Variants in CELF4 observed in about 807,000 individuals in gnomAD.
CELF4 encodes CUGBP Elav-like family member 4, also known as CUG-BP- and ETR-3-like factor 4.
Under a neutral mutation model 59.9 loss-of-function variants are expected in CELF4, and 18 were observed. The ratio of observed to expected loss-of-function variants is 0.30; its 90% CI spans 0.21 to 0.45. The LOEUF is 0.45. Among genes scored for constraint, CELF4 ranks in the 20% least tolerant of loss-of-function variants. The pLI is 1.00. For synonymous variants in CELF4, 261 were observed against 267.1 expected, an observed-to-expected ratio of 0.98 and a Z score of 0.22; for missense variants, 456 against 689.0, an observed-to-expected ratio of 0.66 and a Z score of 3.79.
chr18:37,382,925 G>T (rs1365898547), intron 2 of CELF4, among the ~76,000 whole-genome samples: 3 of 151,958 alleles, frequency 2.0e-5, no homozygotes, highest in Admixed American at 2.0e-4. Flanking sequence ...CCTACTCCTG[G>T]GTGGCCTGGT....
chr18:37,316,930 T>C (rs747911012), intron 3 of CELF4, among the ~76,000 whole-genome samples: 25 of 152,152 alleles, frequency 1.6e-4, no homozygotes, highest in Admixed American at 5.9e-4. Context: ...GAGAGGAATA[T>C]AGGTAATCTG....
At chr18:37,275,609 C>CTA in intron 3 of CELF4, 1 of 264,314 alleles carries the variant, frequency 3.8e-6, no homozygotes, top group Non-Finnish European at 7.4e-6. Flanking sequence ...AGCCTGCGTT[C>CTA]CCCTCCTCCT....
chr18:37,383,248 G>C (rs1016055380), intron 2 of CELF4, among the ~76,000 whole-genome samples: 3 of 152,166 alleles, frequency 2.0e-5, no homozygotes, highest in Non-Finnish European at 4.4e-5. Flanking sequence ...AGACCAGGCA[G>C]AGCAGCGGCC....
At position 37,246,849 on chromosome 18, in the gene CELF4, TTTG is replaced by T. The variant is rs939086673; in HGVS notation, c.*45-1655_*45-1653del. The stretch of plus-strand genomic sequence containing the variant: ...GAATTCATCTTTATTTTGACTATTT[TTTG>T]TTCTTTTGTTTTGTTTTTTTCTCTA... On this transcript the variant is annotated intron_variant, in intron 12 of 12. Transcript: ENST00000420428. The surrounding 1 kb of genome is among the most constrained non-coding windows in gnomAD (Gnocchi z 5.3). 6.6e-6 allele frequency: 1 copy of T among 152,214 alleles called. No individual in the cohort carries two copies. Among genetic ancestry groups the T allele is most frequent in the Non-Finnish European group, 1.5e-5 (1 of 68,028 alleles). 9.4% of individuals were successfully genotyped at this position (152,214 alleles called of 1,614,324 possible).
At chr18:37,337,002 C>T (rs1019467780) in intron 2 of CELF4, among the ~76,000 whole-genome samples, 4 of 152,206 alleles carry the variant, frequency 2.6e-5, no homozygotes, top group Admixed American at 1.3e-4. Context: ...CCCTGGCCGC[C>T]TCCGGCTGTG....
intron 2 of CELF4, among the ~76,000 whole-genome samples, chr18:37,360,636 C>CTCTG (rs2098688637): frequency 6.6e-6 from 1 of 152,218 alleles, no homozygotes; most frequent in African/African-American, 2.4e-5. Flanking sequence ...TGTCTGGAGG[C>CTCTG]AGGCAGTCTC....
chr18:37,450,245 C>T (rs1442712017), intron 2 of CELF4, among the ~76,000 whole-genome samples: 3 of 152,010 alleles, frequency 2.0e-5, no homozygotes, highest in East Asian at 1.9e-4. Flanking sequence ...TGTGTGTATG[C>T]GTGTGAGTGT....
rs867294459 is a variant in CELF4 at position 37,321,086 on chromosome 18, G to T, written c.448+717C>A. Among the ~76,000 whole-genome samples the T allele has an allele frequency of 1.3e-4, 20 of 151,124 alleles. 1 individual carries two copies. Among genetic ancestry groups the T allele is most frequent in the Non-Finnish European group, 1.9e-4 (13 of 67,896 alleles). On this transcript the variant is annotated intron_variant, in intron 3 of 12. Coordinates refer to ENST00000420428, the MANE Select transcript of CELF4 (RefSeq NM_020180.4). ...CCCTGGTTAACCCTGTGGCTGGGAT[G>T]GGGGGGGCAGTACAGACACACAGGC... is the stretch of plus-strand genomic sequence containing the variant.
At position 37,264,774 on chromosome 18, in the gene CELF4, A is replaced by T; in HGVS notation, c.1166-17T>A. ...AGGCAGCTGCTGGAGGCCCAAGACA[A>T]GAAGCAAGAGCCGGCGACAAGGCAG... is the stretch of plus-strand genomic sequence containing the variant. On this transcript the variant is annotated splice_polypyrimidine_tract_variant and intron_variant, in intron 9 of 12. Coordinates refer to ENST00000420428, the MANE Select transcript of CELF4 (RefSeq NM_020180.4). 6.4e-7 allele frequency: 1 copy of T among 1,557,288 alleles called. No homozygotes were observed. Among genetic ancestry groups the T allele is most frequent in the Non-Finnish European group, 8.7e-7 (1 of 1,148,264 alleles).
intron 2 of CELF4, among the ~76,000 whole-genome samples, chr18:37,451,492 T>A (rs2099763815): frequency 6.6e-6 from 1 of 152,198 alleles, no homozygotes; most frequent in Admixed American, 6.5e-5. Flanking sequence ...TGTGCATGTG[T>A]GTCACTGCAT....
chr18:37,419,443 C>T (rs1239353027), intron 2 of CELF4, among the ~76,000 whole-genome samples: 2 of 152,136 alleles, frequency 1.3e-5, no homozygotes, highest in East Asian at 1.9e-4. Context: ...TGCAGGGAAA[C>T]CTCACCCCCT....
Position 37,453,436 on chromosome 18 carries a change from T to G in CELF4, c.369+32089A>C, listed in dbSNP as rs561681123. ...TTCAAAGCTCCCAAGGAGGGGATTA[T>G]GAGTACTGACCGTGTGACACTCTTG... On this transcript the variant is annotated intron_variant, in intron 2 of 12. Coordinates refer to ENST00000420428, the MANE Select transcript of CELF4 (RefSeq NM_020180.4). 3.9e-5 allele frequency among the ~76,000 whole-genome samples: 6 copies of G among 152,350 alleles called. No homozygotes were observed. The East Asian group carries it at 1.2e-3, about 29-fold the overall frequency.
chr18:37,535,160 G>T (rs1303249385), intron 1 of CELF4, among the ~76,000 whole-genome samples: 1 of 152,312 alleles, frequency 6.6e-6, no homozygotes, highest in East Asian at 1.9e-4. Flanking sequence ...CACCATGCTG[G>T]AAATCCTCCC....
chr18:37,377,109 GAGA>G (rs1195908006), intron 2 of CELF4, among the ~76,000 whole-genome samples: 16 of 152,272 alleles, frequency 1.1e-4, no homozygotes, highest in East Asian at 5.8e-4. Context: ...GAAAGAAATG[GAGA>G]AGGAGAGAGA....
intron 2 of CELF4, among the ~76,000 whole-genome samples, chr18:37,369,862 C>T (rs1014002167): frequency 2.6e-5 from 4 of 152,220 alleles, no homozygotes; most frequent in African/African-American, 4.8e-5. Flanking sequence ...AGAGATATTG[C>T]CCAGGAAATG....
chr18:37,462,996 T>C (rs1178343680), intron 2 of CELF4, among the ~76,000 whole-genome samples: 1 of 152,162 alleles, frequency 6.6e-6, no homozygotes, highest in Non-Finnish European at 1.5e-5. Flanking sequence ...GAGCACTCTG[T>C]GGACCTGCAC....
At chr18:37,461,792 G>A (rs758632176) in intron 2 of CELF4, among the ~76,000 whole-genome samples, 5 of 152,212 alleles carry the variant, frequency 3.3e-5, no homozygotes, top group African/African-American at 7.2e-5. Context: ...GCAAAGGACC[G>A]TATTGTCATG....
chr18:37,532,067 T>C (rs2099970029), intron 1 of CELF4, among the ~76,000 whole-genome samples: 1 of 152,238 alleles, frequency 6.6e-6, no homozygotes, highest in Non-Finnish European at 1.5e-5. Context: ...CCTTCCACCA[T>C]GTCCACTGGG....
At chr18:37,379,228 A>C (rs2099007462) in intron 2 of CELF4, among the ~76,000 whole-genome samples, 1 of 152,172 alleles carries the variant, frequency 6.6e-6, no homozygotes, top group African/African-American at 2.4e-5. Context: ...AGGGATAAAC[A>C]GTAAACTCCC....
Sources: allele counts gnomAD v4.1 joint callset (sites outside exome capture counted in the v4.1 genomes callset), GRCh38; gene constraint gnomAD v4.1.1; non-coding constraint Gnocchi (gnomAD v3.1); transcripts MANE v1.5; gene names NCBI Gene and HGNC (gene_info 2026-07-23, HGNC 2026-07-21).